The following KLHL29 variants were observed in gnomAD, a reference collection of about 807,000 sequenced individuals.
The protein encoded by KLHL29 is kelch like family member 29.
Under a neutral mutation model 80.4 loss-of-function variants are expected in KLHL29, and 21 were observed. That is an observed-to-expected ratio of 0.26 (90% CI 0.19 to 0.38). The LOEUF (loss-of-function observed/expected upper bound fraction) is 0.38. Ranked by LOEUF, KLHL29 falls within the 10% of genes least tolerant of loss-of-function variation. The probability of loss-of-function intolerance (pLI) is 1.00; values close to 1 mark genes in which losing one functional copy is unlikely to be tolerated. For synonymous variants in KLHL29, 511 were observed against 526.8 expected (o/e 0.97, Z 0.41); for missense variants, 867 against 1,223.9 (o/e 0.71, Z 4.35).
intron 3 of KLHL29, among the ~76,000 whole-genome samples, chr2:23,563,506 T>C (rs1436820012): frequency 1.3e-5 from 2 of 152,208 alleles, no homozygotes; most frequent in African/African-American, 4.8e-5. Flanking sequence ...TGTGCATGAG[T>C]GTATGTGTGT....
At chr2:23,537,414 A>G (rs907542635) in intron 2 of KLHL29, among the ~76,000 whole-genome samples, 1 of 103,474 alleles carries the variant, frequency 9.7e-6, no homozygotes, top group Admixed American at 9.8e-5. Flanking sequence ...GGTGGGCAGA[A>G]ACTACACACA....
intron 3 of KLHL29, among the ~76,000 whole-genome samples, chr2:23,622,761 A>C (rs1163469138): frequency 6.6e-6 from 1 of 152,226 alleles, no homozygotes; most frequent in Non-Finnish European, 1.5e-5. Context: ...GTAATAACAC[A>C]GGGAGCTTCC....
At chr2:23,640,798 C>T (rs758953640) in intron 4 of KLHL29, among the ~76,000 whole-genome samples, 10 of 152,326 alleles carry the variant, frequency 6.6e-5, no homozygotes, top group Non-Finnish European at 8.8e-5. Flanking sequence ...TACGGTCCCT[C>T]AGCTGGGAAG....
intron 3 of KLHL29, among the ~76,000 whole-genome samples, chr2:23,630,274 T>TC (rs1397887731): frequency 3.9e-5 from 6 of 152,132 alleles, no homozygotes; most frequent in Non-Finnish European, 5.9e-5. Flanking sequence ...TGCAGGCACC[T>TC]AGGGAGGGCT....
At chr2:23,522,485 T>C (rs1193184158) in intron 2 of KLHL29, among the ~76,000 whole-genome samples, 1 of 152,034 alleles carries the variant, frequency 6.6e-6, no homozygotes, top group Non-Finnish European at 1.5e-5. Flanking sequence ...GAATTTTGGT[T>C]ATGTTTGGGA....
intron 1 of KLHL29, among the ~76,000 whole-genome samples, chr2:23,401,300 C>A (rs1007442613): frequency 6.6e-6 from 1 of 152,164 alleles, no homozygotes; most frequent in Admixed American, 6.5e-5. Flanking sequence ...GTATTTATGC[C>A]GGTTTCCCTC....
Position 23,684,347 on chromosome 2 carries a change from A to G in KLHL29, c.941-52A>G. 7.6e-7 allele frequency: 1 copy of G among 1,308,240 alleles called. No homozygotes were observed. The highest frequency in any genetic ancestry group is 9.9e-7 in the Non-Finnish European group (1 of 1,012,752). 81.0% of individuals were successfully genotyped at this position (1,308,240 alleles called of 1,614,324 possible). ...AAAAAAAACTTTTTTTAATTAAAAA[A>G]AAAAAAACTCTTAATGGGAACCTGG... On this transcript the variant is annotated intron_variant, in intron 5 of 13. Coordinates refer to ENST00000486442, the MANE Select transcript of KLHL29 (RefSeq NM_052920.2). The surrounding 1 kb of genome is among the most constrained non-coding windows in gnomAD (Gnocchi z 4.4).
intron 1 of KLHL29, among the ~76,000 whole-genome samples, chr2:23,469,447 C>T (rs924742776): frequency 9.2e-5 from 14 of 152,262 alleles, no homozygotes; most frequent in Middle Eastern, 3.4e-3. Context: ...TGCAGGAGCA[C>T]GCCACGCAGC....
chr2:23,620,616 G>T (rs1669151168), intron 3 of KLHL29, among the ~76,000 whole-genome samples: 1 of 152,282 alleles, frequency 6.6e-6, no homozygotes, highest in East Asian at 1.9e-4. Context: ...GAGAGCAGAG[G>T]CCAGTCCGGG....
chr2:23,480,757 G>A (rs1217458355), intron 2 of KLHL29, among the ~76,000 whole-genome samples: 1 of 152,102 alleles, frequency 6.6e-6, no homozygotes, highest in Non-Finnish European at 1.5e-5. Flanking sequence ...CCAAAAGCTG[G>A]GTACCTTGGC....
intron 1 of KLHL29, 131 bp downstream of exon 1, chr2:23,385,911 TCGG>T (rs35522709): frequency 1.3e-5 from 2 of 151,798 alleles, no homozygotes; most frequent in Non-Finnish European, 1.5e-5. Flanking sequence ...GGGCTCGGCT[TCGG>T]CGGCGGCGGC....
chr2:23,601,887 G>A (rs547285666), intron 3 of KLHL29, among the ~76,000 whole-genome samples: 8 of 152,306 alleles, frequency 5.3e-5, no homozygotes, highest in Admixed American at 2.6e-4. Flanking sequence ...CAAGCCCTCC[G>A]CAGTGTGGGG....
At chr2:23,411,556 C>T (rs968949082) in intron 1 of KLHL29, among the ~76,000 whole-genome samples, 2 of 151,986 alleles carry the variant, frequency 1.3e-5, no homozygotes, top group African/African-American at 4.8e-5. Flanking sequence ...GTTGTGAGGT[C>T]GGCCAGATTT....
At chr2:23,547,518 C>T (rs1189808604) in intron 2 of KLHL29, among the ~76,000 whole-genome samples, 3 of 152,058 alleles carry the variant, frequency 2.0e-5, no homozygotes, top group Non-Finnish European at 4.4e-5. Flanking sequence ...AGAGCTGGTG[C>T]ATGCACAGCC....
At chr2:23,662,493 A>G (rs1259961744) in intron 5 of KLHL29, among the ~76,000 whole-genome samples, 1 of 152,154 alleles carries the variant, frequency 6.6e-6, no homozygotes, top group Non-Finnish European at 1.5e-5. Flanking sequence ...GACAGTTTCT[A>G]GGACTGCAGC....
chr2:23,406,808 T>A (rs1055558825), intron 1 of KLHL29, among the ~76,000 whole-genome samples: 13 of 152,220 alleles, frequency 8.5e-5, no homozygotes, highest in African/African-American at 3.1e-4. Context: ...CATAGAGTTC[T>A]AGAAATAGAA....
intron 2 of KLHL29, among the ~76,000 whole-genome samples, chr2:23,492,258 C>T (rs1043005915): frequency 1.3e-5 from 2 of 152,180 alleles, no homozygotes; most frequent in African/African-American, 4.8e-5. Context: ...CTGGACTGGC[C>T]CCCTTGACCT....
At chr2:23,400,899 G>A (rs1666584402) in intron 1 of KLHL29, among the ~76,000 whole-genome samples, 1 of 152,206 alleles carries the variant, frequency 6.6e-6, no homozygotes, top group East Asian at 1.9e-4. Flanking sequence ...AACACTAGCT[G>A]GCTACCTGGA....
intron 3 of KLHL29, among the ~76,000 whole-genome samples, chr2:23,585,158 C>T (rs755196440): frequency 2.6e-5 from 4 of 152,230 alleles, no homozygotes; most frequent in Non-Finnish European, 2.9e-5. Flanking sequence ...CAGGCTCTGT[C>T]GGCCTAATCT....
Sources: gnomAD v4.1 joint callset for allele counts (sites outside exome capture counted in the v4.1 genomes callset) on GRCh38, gnomAD v4.1.1 for gene constraint, Gnocchi (gnomAD v3.1) non-coding constraint, MANE v1.5 for transcripts, NCBI Gene and HGNC (gene_info 2026-07-23, HGNC 2026-07-21) for gene names.